The following LINGO2 variants were observed in gnomAD, a reference collection of about 807,000 sequenced individuals.
The protein encoded by LINGO2 is leucine rich repeat and Ig domain containing 2.
A neutral mutation model predicts 30.6 loss-of-function variants in LINGO2; 14 were observed. That is an observed-to-expected ratio of 0.46 (90% CI 0.30 to 0.72). The LOEUF (loss-of-function observed/expected upper bound fraction) is 0.72, where lower values mean the gene tolerates loss of function less well. LINGO2 is among the 30% of genes least tolerant of loss of function. LINGO2 has a pLI of 0.07. For synonymous variants in LINGO2, 317 were observed against 288.5 expected (o/e 1.10, Z -1.00); for missense variants, 729 against 751.7 (o/e 0.97, Z 0.35).
chr9:28,938,898 T>C, the LINGO2 span, among the ~76,000 whole-genome samples: 112,362 of 152,054 alleles, frequency 0.74, 41,668 homozygotes, highest in Non-Finnish European at 0.78. Context: ...GAATATGTAA[T>C]GTTAAGAAAT....
the LINGO2 span, among the ~76,000 whole-genome samples, chr9:28,697,988 T>C: frequency 6.6e-6 from 1 of 152,090 alleles, no homozygotes; most frequent in African/African-American, 2.4e-5. Flanking sequence ...CTTAATTCAT[T>C]GAATCACTTC....
intron 2 of LINGO2, among the ~76,000 whole-genome samples, chr9:28,461,023 T>C (rs114681539): frequency 2.8e-4 from 42 of 152,246 alleles, no homozygotes; most frequent in African/African-American, 9.6e-4. Flanking sequence ...CCCTAAACAC[T>C]TGGGCATAAA....
At chr9:28,070,553 C>T (rs1825444093) in intron 4 of LINGO2, among the ~76,000 whole-genome samples, 1 of 152,178 alleles carries the variant, frequency 6.6e-6, no homozygotes, top group Non-Finnish European at 1.5e-5. Context: ...ATAGAGATAA[C>T]CTTGTTTCCA....
intron 4 of LINGO2, among the ~76,000 whole-genome samples, chr9:28,139,956 C>A (rs145897100): frequency 2.2e-4 from 34 of 152,252 alleles, no homozygotes; most frequent in African/African-American, 7.7e-4. Flanking sequence ...CTTACAAGCA[C>A]GCCTTTTAAT....
At chr9:28,057,368 C>T (rs1460046636) in intron 4 of LINGO2, among the ~76,000 whole-genome samples, 1 of 151,602 alleles carries the variant, frequency 6.6e-6, no homozygotes, top group Non-Finnish European at 1.5e-5. Flanking sequence ...CATATTCAGC[C>T]TTTCTCAAGC....
At chr9:28,634,597 T>A (rs983212666) in intron 1 of LINGO2, among the ~76,000 whole-genome samples, 13 of 151,486 alleles carry the variant, frequency 8.6e-5, no homozygotes, top group African/African-American at 2.9e-4. Flanking sequence ...GCAATTCTCG[T>A]GCCTCAGCCT....
intron 4 of LINGO2, among the ~76,000 whole-genome samples, chr9:28,056,980 G>T (rs1824961753): frequency 6.6e-6 from 1 of 152,080 alleles, no homozygotes; most frequent in Non-Finnish European, 1.5e-5. Flanking sequence ...GTTAATCACA[G>T]AAACACTTTC....
intron 1 of LINGO2, among the ~76,000 whole-genome samples, chr9:28,539,061 C>T (rs73644063): frequency 0.048 from 7,279 of 151,810 alleles, 557 homozygotes; most frequent in African/African-American, 0.16. Context: ...CAAATAAACT[C>T]GTAATATGTA....
chr9:29,023,428 T>A, the LINGO2 span, among the ~76,000 whole-genome samples: 3 of 152,134 alleles, frequency 2.0e-5, no homozygotes, highest in African/African-American at 7.2e-5. Flanking sequence ...TTAAAAATTA[T>A]CTTTCCATTT....
At chr9:28,668,384 A>C (rs1186322566) in intron 1 of LINGO2, among the ~76,000 whole-genome samples, 2 of 152,106 alleles carry the variant, frequency 1.3e-5, no homozygotes, top group Non-Finnish European at 2.9e-5. Context: ...CACTCTCCCT[A>C]TGTTACTTGC....
chr9:28,221,028 G>A (rs574560632), intron 4 of LINGO2, among the ~76,000 whole-genome samples: 2 of 152,214 alleles, frequency 1.3e-5, no homozygotes, highest in African/African-American at 2.4e-5. Flanking sequence ...GGCCGGATGC[G>A]GTGGCTCACG....
chr9:28,048,248 G>A lies in LINGO2; in HGVS notation c.-86-35843C>T, dbSNP rs545732073. On this transcript the variant is annotated intron_variant, in intron 4 of 5. Coordinates refer to ENST00000379992, the Ensembl canonical transcript of LINGO2. ...ATGTAATAATCCACAGAAGAAACTCGGGAAACACATTGCCCCAACTAAATC... is the reference window on the plus strand; with the variant it reads ...ATGTAATAATCCACAGAAGAAACTCAGGAAACACATTGCCCCAACTAAATC... Among the ~76,000 whole-genome samples, 44 of 150,928 alleles carry A rather than the reference G, an allele frequency of 2.9e-4. 2 individuals are homozygous for A. Among genetic ancestry groups the A allele is most frequent in the Admixed American group, 2.4e-3 (36 of 15,076 alleles).
At chr9:28,140,244 C>T (rs1443971459) in intron 4 of LINGO2, among the ~76,000 whole-genome samples, 1 of 152,136 alleles carries the variant, frequency 6.6e-6, no homozygotes, top group Non-Finnish European at 1.5e-5. Context: ...GGGCAATCTA[C>T]CAGTGGCAAC....
intron 3 of LINGO2, among the ~76,000 whole-genome samples, chr9:28,322,476 C>T (rs1006813516): frequency 3.9e-5 from 4 of 103,472 alleles, no homozygotes; most frequent in African/African-American, 1.4e-4. Flanking sequence ...CACACACACA[C>T]ACACGTTTAC....
the LINGO2 span, among the ~76,000 whole-genome samples, chr9:29,101,293 T>G: frequency 6.6e-6 from 1 of 152,208 alleles, no homozygotes; most frequent in Non-Finnish European, 1.5e-5. Context: ...CAACCTATAT[T>G]ACCTAAAGTT....
At chr9:28,043,182 C>T (rs139596029) in intron 4 of LINGO2, among the ~76,000 whole-genome samples, 158 of 152,222 alleles carry the variant, frequency 1.0e-3, no homozygotes, top group African/African-American at 3.7e-3. Flanking sequence ...TTGAAGCTAG[C>T]ACTAATTTTC....
At chr9:28,851,298 C>T in the LINGO2 span, among the ~76,000 whole-genome samples, 2 of 152,004 alleles carry the variant, frequency 1.3e-5, no homozygotes, top group Admixed American at 1.3e-4. Context: ...TTCTACAGAT[C>T]CCTCATGTTC....
At chr9:27,948,221 A>T (rs1823442879) in exon 6 of LINGO2, 1 of 152,248 alleles carries the variant, frequency 6.6e-6, no homozygotes, top group Admixed American at 6.5e-5. Flanking sequence ...AACTCCAGGG[A>T]TCTAGTCTCA....
intron 2 of LINGO2, among the ~76,000 whole-genome samples, chr9:28,390,618 A>T (rs1406190194): frequency 6.6e-6 from 1 of 151,718 alleles, no homozygotes; most frequent in African/African-American, 2.4e-5. Flanking sequence ...TTACGATCAC[A>T]GCCCTTGTAG....
Sources: gnomAD v4.1 joint callset for allele counts (sites outside exome capture counted in the v4.1 genomes callset) on GRCh38, gnomAD v4.1.1 for gene constraint, MANE v1.5 for transcripts, NCBI Gene and HGNC (gene_info 2026-07-23, HGNC 2026-07-21) for gene names.